The following TBX15 variants were observed in gnomAD, a reference collection of about 807,000 sequenced individuals.
TBX15 encodes T-box transcription factor TBX15.
Under a neutral mutation model 53.9 loss-of-function variants are expected in TBX15, and 18 were observed. The observed-to-expected ratio is 0.33, with a 90% CI of 0.23 to 0.49. The LOEUF (loss-of-function observed/expected upper bound fraction) is 0.49, where lower values mean the gene tolerates loss of function less well. TBX15 is among the 20% of genes least tolerant of loss of function. The pLI, the probability that TBX15 is intolerant of heterozygous loss-of-function variation, is 0.98. For synonymous variants in TBX15, 295 were observed against 278.0 expected, an observed-to-expected ratio of 1.06 and a Z score of -0.61; for missense variants, 692 against 749.5, an observed-to-expected ratio of 0.92 and a Z score of 0.90.
intron 1 of TBX15, among the ~76,000 whole-genome samples, chr1:118,949,259 C>T (rs1477612002): frequency 6.6e-6 from 1 of 152,230 alleles, no homozygotes; most frequent in African/African-American, 2.4e-5. Flanking sequence ...ATCCCTCTTA[C>T]ATGCTTTCAG....
intron 1 of TBX15, among the ~76,000 whole-genome samples, chr1:118,938,419 C>A (rs1656035817): frequency 6.6e-6 from 1 of 152,192 alleles, no homozygotes; most frequent in South Asian, 2.1e-4. Flanking sequence ...AGAACCACAG[C>A]AAGGACCCAA....
At chr1:118,985,712 T>TA (rs974184699) in intron 1 of TBX15, among the ~76,000 whole-genome samples, 5 of 152,200 alleles carry the variant, frequency 3.3e-5, no homozygotes, top group East Asian at 1.9e-4. Context: ...TTTTCTTTTT[T>TA]AAAAAATGAT....
At chr1:118,889,397 T>A (rs989717706) in intron 7 of TBX15, among the ~76,000 whole-genome samples, 17 of 152,298 alleles carry the variant, frequency 1.1e-4, no homozygotes, top group Admixed American at 3.9e-4. Flanking sequence ...AACACTTGGC[T>A]GACTAGAGAT....
At chr1:118,891,805 T>C (rs188152299) in intron 7 of TBX15, among the ~76,000 whole-genome samples, 3 of 152,182 alleles carry the variant, frequency 2.0e-5, no homozygotes, top group Admixed American at 6.6e-5. Context: ...TGATCTTTTA[T>C]GGGTGCCTAC....
chr1:118,911,784 G>T (rs1276852364), intron 6 of TBX15, among the ~76,000 whole-genome samples: 12 of 152,276 alleles, frequency 7.9e-5, no homozygotes, highest in African/African-American at 2.9e-4. Flanking sequence ...AGACATGCCT[G>T]GCACACGTCT....
In TBX15 at chr1:118,988,079, C is replaced by T. The variant is rs1326250248; in HGVS notation, c.-284G>A. 10 of 519,288 alleles carry T rather than the reference C, an allele frequency of 1.9e-5. No homozygotes were observed. The highest frequency in any genetic ancestry group is 2.4e-5 in the Non-Finnish European group (7 of 293,146). The allele number at this position is 519,288 out of a possible 1,614,324, so 32.2% of individuals were successfully genotyped here. A position where few individuals can be genotyped will look rare whatever the true frequency, so the allele number is the denominator to read the frequency against. The stretch of plus-strand genomic sequence containing the variant: ...CGCCCGAGTCCTGCTTCCCACCCAC[C>T]GGGGCAGGCGCTCACAGACTGTGTC... On this transcript the variant is annotated 5_prime_UTR_variant, in exon 1 of 8. Transcript: ENST00000369429.
intron 5 of TBX15, among the ~76,000 whole-genome samples, chr1:118,918,847 A>T (rs1655332324): frequency 1.3e-5 from 2 of 152,216 alleles, no homozygotes; most frequent in Non-Finnish European, 2.9e-5. Context: ...GAATATCCTG[A>T]GTATGGTTTT....
intron 7 of TBX15, among the ~76,000 whole-genome samples, chr1:118,896,796 T>G (rs893948060): frequency 2.0e-5 from 3 of 152,328 alleles, no homozygotes; most frequent in African/African-American, 7.2e-5. Context: ...AAACTCTTAG[T>G]TCTTAAGGGA....
At chr1:118,925,379 T>A (rs1308873607) in intron 3 of TBX15, among the ~76,000 whole-genome samples, 1 of 152,260 alleles carries the variant, frequency 6.6e-6, no homozygotes, top group Non-Finnish European at 1.5e-5. Context: ...GGCATTTCTA[T>A]GACGGGCCTT....
intron 1 of TBX15, among the ~76,000 whole-genome samples, chr1:118,959,227 C>G (rs1453782006): frequency 6.6e-6 from 1 of 152,166 alleles, no homozygotes; most frequent in Non-Finnish European, 1.5e-5. Flanking sequence ...TCAGTGAATC[C>G]TCCCAACTAT....
chr1:118,988,329 G>A lies in TBX15; in HGVS notation c.-534C>T, dbSNP rs969102909. 2 of 153,174 alleles carry A rather than the reference G, an allele frequency of 1.3e-5. No homozygotes were observed. Among genetic ancestry groups the A allele is most frequent in the Non-Finnish European group, 2.9e-5 (2 of 68,882 alleles). The allele number at this position is 153,174 out of a possible 1,614,324, so 9.5% of individuals were successfully genotyped here. On this transcript the variant is annotated 5_prime_UTR_variant, in exon 1 of 8. Coordinates refer to ENST00000369429, the MANE Select transcript of TBX15 (RefSeq NM_001330677.2). ...CGGTGCGCTCCTGTCCGAGGGGTGA[G>A]GGAGAGGGAGGGGGAGGAAGAAAAA...
chr1:118,973,682 G>A (rs188130197), intron 1 of TBX15, among the ~76,000 whole-genome samples: 36 of 152,002 alleles, frequency 2.4e-4, no homozygotes, highest in African/African-American at 6.5e-4. Context: ...GTTAACATCC[G>A]GAACCAATTC....
chr1:118,933,235 G>A (rs746017404), intron 1 of TBX15, among the ~76,000 whole-genome samples: 1 of 152,096 alleles, frequency 6.6e-6, no homozygotes, highest in Non-Finnish European at 1.5e-5. Context: ...TCTAACAGCT[G>A]TGTCAAAGCC....
chr1:118,930,886 T>C (rs1434683837), intron 2 of TBX15, among the ~76,000 whole-genome samples: 1 of 152,202 alleles, frequency 6.6e-6, no homozygotes, highest in Non-Finnish European at 1.5e-5. Context: ...ATTAATGTCT[T>C]TCATCCTCTG....
intron 2 of TBX15, among the ~76,000 whole-genome samples, chr1:118,926,945 C>T (rs998629859): frequency 2.0e-5 from 3 of 151,934 alleles, no homozygotes; most frequent in African/African-American, 7.3e-5. Flanking sequence ...AGGCTGATCT[C>T]GAACTCCTGA....
At chr1:118,929,179 GGTA>G (rs1189870714) in intron 2 of TBX15, among the ~76,000 whole-genome samples, 1 of 152,162 alleles carries the variant, frequency 6.6e-6, no homozygotes, top group Non-Finnish European at 1.5e-5. Flanking sequence ...AGGTTGGGTT[GGTA>G]CACTCAAAGA....
chr1:118,899,607 C>T (rs1442029300), intron 6 of TBX15, among the ~76,000 whole-genome samples: 1 of 152,108 alleles, frequency 6.6e-6, no homozygotes, highest in African/African-American at 2.4e-5. Context: ...GTTTTAAAGG[C>T]TTCTTAAATC....
intron 1 of TBX15, among the ~76,000 whole-genome samples, chr1:118,961,661 G>A (rs984225): frequency 0.56 from 85,041 of 151,964 alleles, 24,591 homozygotes; most frequent in Non-Finnish European, 0.61. Context: ...AAAGTGATTT[G>A]CTCAAAATTT....
At position 118,972,534 on chromosome 1, in the gene TBX15, C is replaced by T. The variant is rs370783130; in HGVS notation, c.205+15057G>A. Among the ~76,000 whole-genome samples the T allele has an allele frequency of 6.6e-4, 101 of 152,066 alleles. 1 individual carries two copies. The highest frequency in any genetic ancestry group is 2.3e-3 in the African/African-American group (94 of 41,470). ...GAATAGGGCAGCAGTGAAAAGTAGG[C>T]GAGGAGGGTAGTTTGGTAGTTTGGG... On this transcript the variant is annotated intron_variant, in intron 1 of 7. Transcript: ENST00000369429.
Sources: gnomAD v4.1 joint callset for allele counts (sites outside exome capture counted in the v4.1 genomes callset) on GRCh38, gnomAD v4.1.1 for gene constraint, MANE v1.5 for transcripts, NCBI Gene and HGNC (gene_info 2026-07-23, HGNC 2026-07-21) for gene names.